Variants in FBRSL1 observed in about 807,000 individuals in gnomAD.
FBRSL1 encodes fibrosin like 1, also known as fibrosin-1-like protein.
In FBRSL1, 51 loss-of-function variants were observed where a neutral mutation model predicts 89.6. That is an observed-to-expected ratio of 0.57 (90% CI 0.45 to 0.72). The LOEUF (loss-of-function observed/expected upper bound fraction) is 0.72, where lower values mean the gene tolerates loss of function less well. Ranked by LOEUF, FBRSL1 falls within the 30% of genes least tolerant of loss-of-function variation. The pLI, the probability that FBRSL1 is intolerant of heterozygous loss-of-function variation, is 0.00. For synonymous variants in FBRSL1, 779 were observed against 681.1 expected (o/e 1.14, Z -2.24); for missense variants, 1,618 against 1,451.8 (o/e 1.11, Z -1.86).
At chr12:132,494,509 TGGCC>T (rs972283154) in intron 1 of FBRSL1, among the ~76,000 whole-genome samples, 4 of 152,210 alleles carry the variant, frequency 2.6e-5, no homozygotes, top group African/African-American at 9.6e-5. Flanking sequence ...TCCCACATGC[TGGCC>T]GCTCGGCCCC....
intron 1 of FBRSL1, among the ~76,000 whole-genome samples, chr12:132,500,589 T>A (rs2032804776): frequency 6.6e-6 from 1 of 151,952 alleles, no homozygotes; most frequent in African/African-American, 2.4e-5. Flanking sequence ...ACCCACCCAG[T>A]CCATAGTTTC....
At chr12:132,504,158 C>T (rs985240575) in intron 1 of FBRSL1, among the ~76,000 whole-genome samples, 1 of 152,142 alleles carries the variant, frequency 6.6e-6, no homozygotes, top group Non-Finnish European at 1.5e-5. Flanking sequence ...GAGGCCCTTG[C>T]TGTGGTTTCA....
intron 14 of FBRSL1, 120 bp downstream of exon 14, chr12:132,574,684 G>A (rs1026477606): frequency 2.1e-5 from 27 of 1,260,048 alleles, no homozygotes; most frequent in African/African-American, 4.5e-5. Context: ...TGATCCTCAC[G>A]CGTGAGCCGC....
At chr12:132,572,686 G>GA in intron 11 of FBRSL1, 64 bp downstream of exon 11, 1 of 1,168,466 alleles carries the variant, frequency 8.6e-7, no homozygotes, top group South Asian at 1.3e-5. Context: ...GGGAGTGCAT[G>GA]ACAACCTCGC....
rs1280012099 is a variant in FBRSL1 at position 132,490,169 on chromosome 12, G to C, written c.-402G>C. The C allele has an allele frequency of 6.8e-6, 1 of 147,864 alleles. No individual in the cohort carries two copies. The highest frequency in any genetic ancestry group is 1.9e-4 in the South Asian group (1 of 5,372). The allele number at this position is 147,864 out of a possible 1,614,324, so 9.2% of individuals were successfully genotyped here. On this transcript the variant is annotated 5_prime_UTR_variant, in exon 1 of 19. Coordinates refer to ENST00000680143, the MANE Select transcript of FBRSL1 (RefSeq NM_001367871.1). ...GAAGTGCGTCAGTTGTTATCTGTTC[G>C]GGGCGCCGCCGCCGCCTCACGAGCC...
At chr12:132,581,879 C>G (rs377388207) in intron 17 of FBRSL1, 55 bp downstream of exon 17, 2 of 1,454,978 alleles carry the variant, frequency 1.4e-6, no homozygotes, top group South Asian at 1.4e-5. Flanking sequence ...CTCCCCCATG[C>G]CTGTGTCCTC....
intron 2 of FBRSL1, among the ~76,000 whole-genome samples, chr12:132,519,872 C>T (rs1186311740): frequency 9.0e-5 from 13 of 144,998 alleles, no homozygotes; most frequent in African/African-American, 3.4e-4. Flanking sequence ...CTCACCACTG[C>T]ACTCCAGCCT....
At chr12:132,569,319 G>A (rs2039851108) in intron 6 of FBRSL1, among the ~76,000 whole-genome samples, 1 of 152,126 alleles carries the variant, frequency 6.6e-6, no homozygotes, top group South Asian at 2.1e-4. Context: ...AGGGTGGCGG[G>A]TGACGGGCAG....
rs536557489 is a variant in FBRSL1 at position 132,582,228 on chromosome 12, T to C, written c.2163T>C (p.His721=). 454 of 1,550,194 alleles carry C rather than the reference T, an allele frequency of 2.9e-4. 2 individuals are homozygous for C. In the East Asian group the frequency reaches 9.8e-3, roughly 33 times the overall value. Residue 721 remains histidine, a synonymous_variant, in exon 18 of 19, where the codon CAT becomes CAC. Coordinates refer to ENST00000680143, the MANE Select transcript of FBRSL1 (RefSeq NM_001367871.1). ...DAERVSALTN[H]DREPDNGKEE... is the part of the protein sequence containing the mutation. ...AGCGGGTGTCAGCCCTGACCAACCA[T>C]GACCGAGAGCCGGACAATGGCAAGG...
At chr12:132,508,610 G>T (rs1012467098) in intron 2 of FBRSL1, among the ~76,000 whole-genome samples, 1 of 152,376 alleles carries the variant, frequency 6.6e-6, no homozygotes. Flanking sequence ...CAAGGCGCGC[G>T]TTCCGGGCTG....
Position 132,582,958 on chromosome 12 carries a change from C to G in FBRSL1, c.2202-13C>G. ...AGGTCTCGGGAGTGACGGGTCCGCC[C>G]TGCCGCCCCCAGGGACCTCCTGGAG... On this transcript the variant is annotated splice_polypyrimidine_tract_variant and intron_variant, in intron 18 of 18. Coordinates refer to ENST00000680143, the MANE Select transcript of FBRSL1 (RefSeq NM_001367871.1). 1 of 1,404,370 alleles carries G rather than the reference C, an allele frequency of 7.1e-7. No homozygotes were observed. The highest frequency in any genetic ancestry group is 3.1e-5 in the East Asian group (1 of 32,398). 87.0% of individuals were successfully genotyped at this position (1,404,370 alleles called of 1,614,324 possible). A position where few individuals can be genotyped will look rare whatever the true frequency, so the allele number is the denominator to read the frequency against.
chr12:132,561,070 GC>G (rs2039084297), intron 5 of FBRSL1, among the ~76,000 whole-genome samples: 1 of 152,212 alleles, frequency 6.6e-6, no homozygotes, highest in African/African-American at 2.4e-5. Flanking sequence ...CAGAGGGCCG[GC>G]CCCTGTTCTG....
At chr12:132,568,769 G>T (rs1229182769) in intron 6 of FBRSL1, among the ~76,000 whole-genome samples, 1 of 152,138 alleles carries the variant, frequency 6.6e-6, no homozygotes, top group Non-Finnish European at 1.5e-5. Flanking sequence ...GTGCCCGTGG[G>T]CTCCCTCTCT....
Position 132,510,083 on chromosome 12 carries a change from G to A in FBRSL1, c.489+1733G>A, listed in dbSNP as rs555998710. 3.4e-4 allele frequency: 413 copies of A among 1,231,084 alleles called. 1 individual carries two copies. In the African/African-American group the frequency reaches 5.3e-3, roughly 16 times the overall value. 76.3% of individuals were successfully genotyped at this position (1,231,084 alleles called of 1,614,324 possible). On this transcript the variant is annotated intron_variant, in intron 2 of 18. Coordinates refer to ENST00000680143, the MANE Select transcript of FBRSL1 (RefSeq NM_001367871.1). ...TCCTGGGCCCGGGACGGCCGAGGCAGCAGAAGCAGCCGCTCATGGGCCCGG... is the reference window on the plus strand; with the variant it reads ...TCCTGGGCCCGGGACGGCCGAGGCAACAGAAGCAGCCGCTCATGGGCCCGG...
At chr12:132,534,538 C>T (rs1287824242) in intron 4 of FBRSL1, among the ~76,000 whole-genome samples, 2 of 152,256 alleles carry the variant, frequency 1.3e-5, no homozygotes, top group Non-Finnish European at 2.9e-5. Context: ...CACCTCCCTG[C>T]CCCACATGTG....
At chr12:132,558,246 CCCACCA>C (rs2038835973) in intron 5 of FBRSL1, among the ~76,000 whole-genome samples, 1 of 152,336 alleles carries the variant, frequency 6.6e-6, no homozygotes, top group Middle Eastern at 3.4e-3. Flanking sequence ...TCAGGAGTGG[CCCACCA>C]CCTTCCCAGG....
At chr12:132,507,392 C>G in intron 1 of FBRSL1, 7 of 985,570 alleles carry the variant, frequency 7.1e-6, no homozygotes, top group Non-Finnish European at 8.4e-6. Flanking sequence ...ACAGAAGGTG[C>G]TTACTAGTGG....
At chr12:132,491,626 A>G (rs2030989511) in intron 1 of FBRSL1, among the ~76,000 whole-genome samples, 1 of 152,208 alleles carries the variant, frequency 6.6e-6, no homozygotes, top group Admixed American at 6.5e-5. Context: ...GACTCCCAGA[A>G]TCACCCCATT....
At chr12:132,507,289 C>T (rs984009511) in intron 1 of FBRSL1, 36 of 985,460 alleles carry the variant, frequency 3.7e-5, no homozygotes, top group Admixed American at 6.1e-5. Context: ...CTTTCGTGGA[C>T]GCTTCTCCCT....
Sources: allele counts gnomAD v4.1 joint callset (sites outside exome capture counted in the v4.1 genomes callset), GRCh38; gene constraint gnomAD v4.1.1; transcripts MANE v1.5; gene names NCBI Gene and HGNC (gene_info 2026-07-23, HGNC 2026-07-21).